The following CMC2 variants were observed in gnomAD, a reference collection of about 807,000 sequenced individuals.
CMC2 encodes the protein C-X9-C motif containing 2, also known as COX assembly mitochondrial protein 2 homolog.
CMC2 carries 5 observed loss-of-function variants against 7.5 expected under a neutral mutation model. That is an observed-to-expected ratio of 0.66 (90% CI 0.35 to 1.40). The LOEUF (loss-of-function observed/expected upper bound fraction) is 1.40. Among genes scored for constraint, CMC2 ranks in the 40% most tolerant of loss-of-function variants. CMC2 has a pLI of 0.04. For missense variants in CMC2, 115 were observed against 92.3 expected, an observed-to-expected ratio of 1.25 and a Z score of -1.01; for synonymous variants, 37 against 31.4, an observed-to-expected ratio of 1.18 and a Z score of -0.60.
intron 3 of CMC2, 48 bp downstream of exon 3, chr16:80,981,758 G>A (rs758313354): frequency 8.2e-6 from 10 of 1,220,450 alleles, no homozygotes; most frequent in African/African-American, 3.0e-5. Flanking sequence ...ATTCAAAAAT[G>A]TTCTGTTCTA....
At chr16:80,984,940 A>G (rs1016049530) in intron 2 of CMC2, among the ~76,000 whole-genome samples, 9 of 152,338 alleles carry the variant, frequency 5.9e-5, no homozygotes, top group Admixed American at 2.6e-4. Context: ...ATTTTCTTAT[A>G]CTTACATGGA....
At chr16:80,991,764 T>G (rs1968012710) in intron 2 of CMC2, 2 of 338,814 alleles carry the variant, frequency 5.9e-6, no homozygotes, top group South Asian at 4.7e-5. Context: ...CTCTGTGGTC[T>G]TCATCCGAAA....
chr16:81,004,333 A>T (rs1460988708), intron 1 of CMC2, among the ~76,000 whole-genome samples: 1 of 152,238 alleles, frequency 6.6e-6, no homozygotes, highest in Non-Finnish European at 1.5e-5. Context: ...AATTCCATTC[A>T]AACTGTTATT....
At chr16:80,991,356 C>T (rs1399029655) in intron 2 of CMC2, among the ~76,000 whole-genome samples, 1 of 152,054 alleles carries the variant, frequency 6.6e-6, no homozygotes, top group Non-Finnish European at 1.5e-5. Context: ...GAAACCTAGC[C>T]ACGTGCAATA....
chr16:81,000,189 A>C (rs941909647), intron 1 of CMC2, among the ~76,000 whole-genome samples: 2 of 152,188 alleles, frequency 1.3e-5, no homozygotes, highest in African/African-American at 4.8e-5. Context: ...GTAAAAAATA[A>C]ATAATCCCAT....
chr16:81,004,619 G>A (rs560490398), intron 1 of CMC2, among the ~76,000 whole-genome samples: 8 of 152,202 alleles, frequency 5.3e-5, no homozygotes, highest in Non-Finnish European at 1.0e-4. Context: ...GCTGTCAAAT[G>A]TGTTTTGATA....
At position 80,973,198 on chromosome 16, in the gene CMC2, G is replaced by A. The variant is rs1276739670; in HGVS notation, c.*2895C>T. On this transcript the variant is annotated 3_prime_UTR_variant, in exon 4 of 4. Transcript: ENST00000219400. ...AAGGCAGGATGTACAGGGAGCCAGA[G>A]AATGGGGCCGGCTTGGGATGAGTTC... 1 of 152,288 alleles carries A rather than the reference G, an allele frequency of 6.6e-6. No individual in the cohort carries two copies. Among genetic ancestry groups the A allele is most frequent in the African/African-American group, 2.4e-5 (1 of 41,450 alleles). 9.4% of individuals were successfully genotyped at this position (152,288 alleles called of 1,614,324 possible).
At chr16:81,002,758 T>C (rs1302589305) in intron 1 of CMC2, among the ~76,000 whole-genome samples, 1 of 152,224 alleles carries the variant, frequency 6.6e-6, no homozygotes, top group Non-Finnish European at 1.5e-5. Flanking sequence ...CAATAAAACG[T>C]CTTCCCTTCT....
Position 80,972,861 on chromosome 16 carries a change from C to T in CMC2, c.*3232G>A, listed in dbSNP as rs16944340. 5,364 of 152,290 alleles carry T rather than the reference C, an allele frequency of 0.035. 242 individuals are homozygous for T. Among genetic ancestry groups the T allele is most frequent in the East Asian group, 0.2 (1,026 of 5,168 alleles). 9.4% of individuals were successfully genotyped at this position (152,290 alleles called of 1,614,324 possible). The stretch of plus-strand genomic sequence containing the variant: ...ACAGATGGTCCTTCGTGATGTGAAC[C>T]GTCACTAGAACCACATCCATCTTAT... On this transcript the variant is annotated 3_prime_UTR_variant, in exon 4 of 4. Transcript: ENST00000219400.
chr16:80,990,513 G>C (rs1418709129), intron 2 of CMC2, among the ~76,000 whole-genome samples: 1 of 152,080 alleles, frequency 6.6e-6, no homozygotes, highest in Non-Finnish European at 1.5e-5. Context: ...TCTCTGCTTT[G>C]CTCCTACCAA....
intron 1 of CMC2, among the ~76,000 whole-genome samples, chr16:81,003,417 A>C (rs1458724567): frequency 1.3e-5 from 2 of 152,260 alleles, no homozygotes; most frequent in African/African-American, 4.8e-5. Context: ...ACAATGCAAT[A>C]ACCTTATGAA....
At chr16:80,978,960 A>T (rs1328516110) in intron 3 of CMC2, among the ~76,000 whole-genome samples, 1 of 152,170 alleles carries the variant, frequency 6.6e-6, no homozygotes, top group Non-Finnish European at 1.5e-5. Flanking sequence ...GGGCACCTGT[A>T]GTCCCAGTTA....
In CMC2 at chr16:80,972,969, CA is replaced by C. The variant is rs1165196179; in HGVS notation, c.*3123del. ...ATGGAACCTCTGCACCTCCCAACCC[CA>C]CTCTCCCTCCAGCTTCTTCGGCTTC... On this transcript the variant is annotated 3_prime_UTR_variant, in exon 4 of 4. Coordinates refer to ENST00000219400, the MANE Select transcript of CMC2 (RefSeq NM_020188.5). The C allele has an allele frequency of 3.9e-5, 6 of 152,678 alleles. No individual in the cohort carries two copies. Among genetic ancestry groups the C allele is most frequent in the African/African-American group, 1.2e-4 (5 of 41,584 alleles). 9.5% of individuals were successfully genotyped at this position (152,678 alleles called of 1,614,324 possible).
At position 80,974,818 on chromosome 16, in the gene CMC2, G is replaced by A. The variant is rs1912162504; in HGVS notation, c.*1275C>T. 6.6e-6 allele frequency: 1 copy of A among 152,228 alleles called. No homozygotes were observed. The highest frequency in any genetic ancestry group is 6.5e-5 in the Admixed American group (1 of 15,292). 9.4% of individuals were successfully genotyped at this position (152,228 alleles called of 1,614,324 possible). ...AATATTCATACACTTTGTCTTGGAAGGTACTTCAGAATTAATTCTGGTTCT... is the reference window on the plus strand; with the variant it reads ...AATATTCATACACTTTGTCTTGGAAAGTACTTCAGAATTAATTCTGGTTCT... On this transcript the variant is annotated 3_prime_UTR_variant, in exon 4 of 4. Coordinates refer to ENST00000219400, the MANE Select transcript of CMC2 (RefSeq NM_020188.5).
chr16:80,992,312 G>A lies in CMC2; in HGVS notation c.81+5002C>T, dbSNP rs1278692488. Among the ~76,000 whole-genome samples the A allele has an allele frequency of 2.0e-5, 3 of 152,200 alleles. No homozygotes were observed. The East Asian group carries it at 5.8e-4, about 29-fold the overall frequency. On this transcript the variant is annotated intron_variant, in intron 2 of 3. Coordinates refer to ENST00000219400, the MANE Select transcript of CMC2 (RefSeq NM_020188.5). ...TTTTCCAAGTGCAAACAACACTGCA[G>A]TAAATAACTCTATGCATACATTTTT...
intron 2 of CMC2, among the ~76,000 whole-genome samples, chr16:80,993,446 C>A (rs1968166591): frequency 6.6e-6 from 1 of 152,138 alleles, no homozygotes; most frequent in Non-Finnish European, 1.5e-5. Flanking sequence ...AGATAAGCAG[C>A]AAAAGAACTC....
rs910095226 is a variant in CMC2, at chr16:80,971,301, C to A, written c.*4792G>T. 1 of 151,914 alleles carries A rather than the reference C, an allele frequency of 6.6e-6. No individual in the cohort carries two copies. The highest frequency in any genetic ancestry group is 1.5e-5 in the Non-Finnish European group (1 of 68,006). The allele number at this position is 151,914 out of a possible 1,614,324, so 9.4% of individuals were successfully genotyped here. A position where few individuals can be genotyped will look rare whatever the true frequency, so the allele number is the denominator to read the frequency against. ...GATTGGACAAGAAGGTAAGTAAGAA[C>A]GTTCATTGAAGTTTACAATAGCAAA... On this transcript the variant is annotated 3_prime_UTR_variant, in exon 4 of 4. Coordinates refer to ENST00000219400, the MANE Select transcript of CMC2 (RefSeq NM_020188.5).
At chr16:80,999,612 A>G (rs1444953105) in intron 1 of CMC2, among the ~76,000 whole-genome samples, 1 of 152,216 alleles carries the variant, frequency 6.6e-6, no homozygotes, top group Non-Finnish European at 1.5e-5. Context: ...AGCCAAAAGA[A>G]TCCTAAGCAA....
intron 2 of CMC2, among the ~76,000 whole-genome samples, chr16:80,984,689 G>A (rs1487953856): frequency 2.0e-5 from 3 of 151,966 alleles, no homozygotes; most frequent in Non-Finnish European, 4.4e-5. Flanking sequence ...GCATTTTCAT[G>A]CCTTCAAGTC....
Sources: allele counts gnomAD v4.1 joint callset (sites outside exome capture counted in the v4.1 genomes callset), GRCh38; gene constraint gnomAD v4.1.1; transcripts MANE v1.5; gene names NCBI Gene and HGNC (gene_info 2026-07-23, HGNC 2026-07-21).